Variants in PDK3 observed in about 807,000 individuals in gnomAD.
PDK3 encodes the protein pyruvate dehydrogenase kinase 3, also known as pyruvate dehydrogenase kinase, isozyme 3.
PDK3 carries 12 observed loss-of-function variants against 32.0 expected under a neutral mutation model. That is an observed-to-expected ratio of 0.37 (90% confidence interval 0.24 to 0.61). The LOEUF (loss-of-function observed/expected upper bound fraction) is 0.61. Ranked by LOEUF, PDK3 falls within the 20% of genes least tolerant of loss-of-function variation. The pLI, the probability that PDK3 is intolerant of heterozygous loss-of-function variation, is 0.65. For missense variants in PDK3, 188 were observed against 316.9 expected, an observed-to-expected ratio of 0.59 and a Z score of 3.09; for synonymous variants, 122 against 116.3, an observed-to-expected ratio of 1.05 and a Z score of -0.31.
At chrX:24,529,528 C>T (rs1013447706) in intron 9 of PDK3, among the ~76,000 whole-genome samples, 1 of 111,046 alleles carries the variant, frequency 9.0e-6, no homozygotes, top group East Asian at 2.8e-4. Flanking sequence ...GAGGCCAAGG[C>T]GGGTGGATCA....
intron 9 of PDK3, among the ~76,000 whole-genome samples, chrX:24,529,758 C>CAAAAAAAAAAA (rs535951847): frequency 2.0e-5 from 1 of 50,533 alleles, no homozygotes. Context: ...GGCTCTGCCT[C>CAAAAAAAAAAA]AAAAAAAAAA....
intron 1 of PDK3, 142 bp from the exon 2 acceptor site, chrX:24,494,600 C>T: frequency 2.7e-6 from 1 of 370,873 alleles, no homozygotes; most frequent in Non-Finnish European, 4.5e-6. Flanking sequence ...CTTGCTATTT[C>T]AAAGGATAAA....
intron 5 of PDK3, 40 bp downstream of exon 5, chrX:24,505,338 T>C (rs1475661877): frequency 9.5e-7 from 1 of 1,049,934 alleles, no homozygotes; most frequent in East Asian, 3.1e-5. Flanking sequence ...GTAGTTCAAA[T>C]TGGATTGTGG....
At position 24,496,568 on chromosome X, in the gene PDK3, C is replaced by CTTTTT. The variant is rs763095558; in HGVS notation, c.248+1704_248+1708dup. ...CTAATTGTCCTGATACTACCCCCAT[C>CTTTTT]TTTTTTTTTTTTTTTTTTTTTTTGC... On this transcript the variant is annotated intron_variant, in intron 2 of 10. Coordinates refer to ENST00000379162, the MANE Select transcript of PDK3 (RefSeq NM_005391.5). Among the ~76,000 whole-genome samples, 19 of 39,325 alleles carry CTTTTT rather than the reference C, an allele frequency of 4.8e-4. 1 individual carries two copies. In the South Asian group the frequency reaches 5.9e-3, roughly 12 times the overall value. 34.1% of individuals were successfully genotyped at this position (39,325 alleles called of 115,157 possible).
chrX:24,481,425 G>A (rs2148182987), intron 1 of PDK3, among the ~76,000 whole-genome samples: 1 of 112,266 alleles, frequency 8.9e-6, no homozygotes, highest in African/African-American at 3.2e-5. Flanking sequence ...GGCAAGGTTA[G>A]TGTATGATAA....
rs181722973 is a variant in PDK3 at position 24,513,131 on chromosome X, C to G, written c.596-5802C>G. Among the ~76,000 whole-genome samples, 14 of 111,076 alleles carry G rather than the reference C, an allele frequency of 1.3e-4. No individual in the cohort carries two copies. The East Asian group carries it at 4.0e-3, about 32-fold the overall frequency. ...TTATCTTTTTTTTTCTTTCCCCCTA[C>G]GATCACAAGTTTTAGGATTCTGATC... On this transcript the variant is annotated intron_variant, in intron 5 of 10. Transcript: ENST00000379162.
At chrX:24,520,143 A>C (rs1203278912) in intron 6 of PDK3, among the ~76,000 whole-genome samples, 5 of 112,048 alleles carry the variant, frequency 4.5e-5, no homozygotes, top group Non-Finnish European at 9.4e-5. Flanking sequence ...CAGTGAGCCG[A>C]GATAGTGCCA....
At chrX:24,525,013 C>T (rs1174680930) in intron 6 of PDK3, among the ~76,000 whole-genome samples, 2 of 110,161 alleles carry the variant, frequency 1.8e-5, no homozygotes, top group African/African-American at 6.6e-5. Flanking sequence ...AAAAATTAGC[C>T]AGGAGTGGCG....
chrX:24,539,058 T>C, downstream of PDK3: 1 of 625,334 alleles, frequency 1.6e-6, no homozygotes, highest in African/African-American at 2.2e-5. Context: ...AATGAAATAC[T>C]CTAAAAGTCC....
exon 12 of PDK3, among the ~76,000 whole-genome samples, chrX:24,541,404 C>T (rs1426925567): frequency 9.0e-6 from 1 of 111,316 alleles, no homozygotes; most frequent in Non-Finnish European, 1.9e-5. Flanking sequence ...TCCTCACAAG[C>T]AGTACCATGT....
chrX:24,475,711 G>A (rs1320329675), intron 1 of PDK3, among the ~76,000 whole-genome samples: 1 of 110,047 alleles, frequency 9.1e-6, no homozygotes, highest in Non-Finnish European at 1.9e-5. Flanking sequence ...GGGAGGAAAG[G>A]TAGAAGACGG....
At chrX:24,508,712 G>A (rs1440165885) in intron 5 of PDK3, among the ~76,000 whole-genome samples, 1 of 110,654 alleles carries the variant, frequency 9.0e-6, no homozygotes, top group Non-Finnish European at 1.9e-5. Context: ...GTCATTATTT[G>A]TACTTTCTTT....
At chrX:24,481,741 C>T (rs1238977520) in intron 1 of PDK3, among the ~76,000 whole-genome samples, 1 of 112,104 alleles carries the variant, frequency 8.9e-6, no homozygotes, top group African/African-American at 3.2e-5. Flanking sequence ...GCTTCCCCTT[C>T]GCCTCTGCCA....
intron 1 of PDK3, among the ~76,000 whole-genome samples, chrX:24,481,645 G>C (rs1043087748): frequency 9.0e-6 from 1 of 111,305 alleles, no homozygotes; most frequent in Non-Finnish European, 1.9e-5. Flanking sequence ...TAGCGAGTGA[G>C]TTCTCATGAG....
At position 24,494,895 on chromosome X, in the gene PDK3, A is replaced by G. The variant is rs1921663141; in HGVS notation, c.248+12A>G. ...TTGGTTCAGAGTTGGTAAGTAAACA[A>G]TGTGGCTTAAAATGGATCTTCCCAC... is the stretch of plus-strand genomic sequence containing the variant. On this transcript the variant is annotated intron_variant, in intron 2 of 10. Transcript: ENST00000379162. 10 of 1,194,057 alleles carry G rather than the reference A, an allele frequency of 8.4e-6. No homozygotes were observed. The highest frequency in any genetic ancestry group is 3.0e-5 in the East Asian group (1 of 33,503).
intron 1 of PDK3, among the ~76,000 whole-genome samples, chrX:24,489,699 A>G (rs1179540981): frequency 4.6e-5 from 5 of 109,392 alleles, no homozygotes; most frequent in Non-Finnish European, 9.5e-5. Flanking sequence ...AAAAAAAAAA[A>G]AAAGAAAAAA....
At chrX:24,545,395 AC>A (rs766395136) in exon 12 of PDK3, 2 of 112,289 alleles carry the variant, frequency 1.8e-5, no homozygotes, top group African/African-American at 6.5e-5. Flanking sequence ...ACCAAAGCAC[AC>A]TGAGTTAATG....
chrX:24,527,710 C>A, intron 8 of PDK3, 35 bp downstream of exon 8: 1 of 785,863 alleles, frequency 1.3e-6, no homozygotes, highest in South Asian at 2.4e-5. Context: ...CTTTAATTAT[C>A]AGTTGTGATT....
chrX:24,520,796 A>C (rs750256004), intron 6 of PDK3, among the ~76,000 whole-genome samples: 24 of 112,304 alleles, frequency 2.1e-4, no homozygotes, highest in Non-Finnish European at 3.8e-5. Flanking sequence ...GTAACTTACC[A>C]TAATTTATTT....
Sources: gnomAD v4.1 joint callset for allele counts (sites outside exome capture counted in the v4.1 genomes callset) on GRCh38, gnomAD v4.1.1 for gene constraint, MANE v1.5 for transcripts, NCBI Gene and HGNC (gene_info 2026-07-23, HGNC 2026-07-21) for gene names.